TG: variants seen among roughly 807,000 people sequenced by gnomAD.
TG encodes the protein thyroglobulin, also known as thyroid hormones.
A neutral mutation model predicts 324.7 loss-of-function variants in TG; 270 were observed. That is an observed-to-expected ratio of 0.83 (90% CI 0.75 to 0.92). The LOEUF (loss-of-function observed/expected upper bound fraction) is 0.92, where lower values mean the gene tolerates loss of function less well. TG is among the 40% of genes least tolerant of loss of function. The pLI is 0.00. For missense variants in TG, 3,591 were observed against 3,456.4 expected (o/e 1.04, Z -0.98); for synonymous variants, 1,401 against 1,327.0 (o/e 1.06, Z -1.21).
At chr8:133,126,840 A>G (rs2130345606) in intron 45 of TG, among the ~76,000 whole-genome samples, 1 of 152,286 alleles carries the variant, frequency 6.6e-6, no homozygotes, top group Non-Finnish European at 1.5e-5. Flanking sequence ...TGGGAAGCAA[A>G]GGGACTTTCA....
At chr8:133,108,173 A>T (rs1397843271) in intron 43 of TG, among the ~76,000 whole-genome samples, 1 of 150,464 alleles carries the variant, frequency 6.6e-6, no homozygotes, top group African/African-American at 2.4e-5. Context: ...TTTTTAGTAG[A>T]GATGGGGTTT....
intron 41 of TG, chr8:133,074,794 T>G: frequency 1.1e-6 from 1 of 933,858 alleles, no homozygotes; most frequent in Non-Finnish European, 1.3e-6. Context: ...GCCAACTGCG[T>G]GTTGAAGAGG....
chr8:133,091,723 T>C (rs1379023683), intron 41 of TG, among the ~76,000 whole-genome samples: 1 of 152,052 alleles, frequency 6.6e-6, no homozygotes, highest in Non-Finnish European at 1.5e-5. Context: ...TATGTGAGTG[T>C]GTGTCTATGT....
At chr8:132,939,822 G>A (rs767061251) in intron 25 of TG, among the ~76,000 whole-genome samples, 8 of 152,088 alleles carry the variant, frequency 5.3e-5, no homozygotes, top group South Asian at 2.1e-4. Context: ...GACTACAGAC[G>A]TGCACCATCA....
chr8:133,109,748 G>T (rs1408176646), intron 43 of TG, among the ~76,000 whole-genome samples: 1 of 152,220 alleles, frequency 6.6e-6, no homozygotes, highest in Non-Finnish European at 1.5e-5. Flanking sequence ...GGTGCTTGGT[G>T]CGTGGCACTT....
intron 27 of TG, among the ~76,000 whole-genome samples, chr8:132,952,782 T>C (rs1468819379): frequency 3.3e-5 from 5 of 152,222 alleles, no homozygotes; most frequent in Non-Finnish European, 7.3e-5. Flanking sequence ...CAGTTGGTTA[T>C]ATCACAATTT....
intron 41 of TG, among the ~76,000 whole-genome samples, chr8:133,072,047 C>A (rs939344364): frequency 6.6e-6 from 1 of 152,154 alleles, no homozygotes; most frequent in East Asian, 1.9e-4. Context: ...AGCTATTTTG[C>A]CCCTAAGCAC....
At chr8:133,085,860 C>T (rs572607362) in intron 41 of TG, among the ~76,000 whole-genome samples, 1 of 152,272 alleles carries the variant, frequency 6.6e-6, no homozygotes, top group South Asian at 2.1e-4. Context: ...CTAGCAATTC[C>T]ACCCCTACCT....
In TG at chr8:132,957,953, T is replaced by C. The variant is rs549594515; in HGVS notation, c.5402-3055T>C. The stretch of plus-strand genomic sequence containing the variant: ...CCCTTGTTCCCGTCTCACCCTTCCC[T>C]CCAAGTCCCCAAAGTCCATTGTATT... On this transcript the variant is annotated intron_variant, in intron 27 of 47. Coordinates refer to ENST00000220616, the MANE Select transcript of TG (RefSeq NM_003235.5). Among the ~76,000 whole-genome samples the C allele has an allele frequency of 2.0e-5, 3 of 152,256 alleles. No individual in the cohort carries two copies. The East Asian group carries it at 5.8e-4, about 29-fold the overall frequency.
chr8:132,978,470 C>T (rs1178846118), intron 34 of TG, among the ~76,000 whole-genome samples: 1 of 152,134 alleles, frequency 6.6e-6, no homozygotes, highest in Admixed American at 6.5e-5. Context: ...AAAGGCATTC[C>T]TTGTATCAAC....
chr8:132,895,617 C>T (rs1447913555), intron 11 of TG, among the ~76,000 whole-genome samples: 2 of 152,220 alleles, frequency 1.3e-5, no homozygotes, highest in South Asian at 2.1e-4. Context: ...CTCTCTCTTC[C>T]GTCCACTACC....
At position 132,948,286 on chromosome 8, in the gene TG, C is replaced by T. The variant is rs368129390; in HGVS notation, c.5234-490C>T. ...GCATGTGAGAGAGCGAGAGCAAGAG[C>T]GAGAGTGAGCGAGAGCGAGAGTGAG... On this transcript the variant is annotated intron_variant, in intron 26 of 47. Transcript: ENST00000220616. Among the ~76,000 whole-genome samples the T allele has an allele frequency of 3.8e-4, 57 of 150,700 alleles. 2 individuals are homozygous for T. In the South Asian group the frequency reaches 9.1e-3, roughly 24 times the overall value.
chr8:132,986,920 TATAG>T (rs1831630919), intron 35 of TG, among the ~76,000 whole-genome samples: 1 of 152,218 alleles, frequency 6.6e-6, no homozygotes. Flanking sequence ...TTATTAAATT[TATAG>T]ATAAAGAGTG....
chr8:133,029,948 G>A lies in TG; in HGVS notation c.7164G>A (p.Gly2388=), dbSNP rs759815380. 15 of 1,614,108 alleles carry A rather than the reference G, an allele frequency of 9.3e-6. No homozygotes were observed. Among genetic ancestry groups the A allele is most frequent in the Non-Finnish European group, 1.2e-5 (14 of 1,180,056 alleles). ...RRVSLAADRG[G]ADVASIHLLT... The stretch of plus-strand genomic sequence containing the variant: ...TGTCCCTGGCAGCAGACCGTGGCGG[G>A]GCTGATGTGGCCAGCATCCACCTTC... Residue 2388 remains glycine, a synonymous_variant, in exon 41 of 48, where the codon GGG becomes GGA. Transcript: ENST00000220616.
intron 22 of TG, among the ~76,000 whole-genome samples, chr8:132,926,659 C>T (rs1353269894): frequency 6.6e-6 from 1 of 152,192 alleles, no homozygotes; most frequent in African/African-American, 2.4e-5. Flanking sequence ...GTCAATTTTA[C>T]AAGCCCTGAG....
intron 23 of TG, among the ~76,000 whole-genome samples, chr8:132,929,519 G>C (rs1157734288): frequency 6.6e-6 from 1 of 152,130 alleles, no homozygotes; most frequent in Non-Finnish European, 1.5e-5. Flanking sequence ...GGTAATAAAG[G>C]CTGCCATTTA....
chr8:133,082,903 C>G (rs1471650212), intron 41 of TG, among the ~76,000 whole-genome samples: 1 of 152,238 alleles, frequency 6.6e-6, no homozygotes, highest in African/African-American at 2.4e-5. Context: ...CGAAACTAGC[C>G]TCGATGTAAT....
intron 5 of TG, among the ~76,000 whole-genome samples, chr8:132,879,963 C>T (rs564517977): frequency 2.4e-4 from 37 of 152,340 alleles, no homozygotes; most frequent in Non-Finnish European, 3.2e-4. Flanking sequence ...GTGATTTAAA[C>T]GATTTAAACT....
chr8:132,875,543 G>C (rs1308354770), intron 5 of TG, among the ~76,000 whole-genome samples: 1 of 152,132 alleles, frequency 6.6e-6, no homozygotes, highest in Non-Finnish European at 1.5e-5. Context: ...GCATGGCACA[G>C]AGCCTTGCAC....
Sources: allele counts gnomAD v4.1 joint callset (sites outside exome capture counted in the v4.1 genomes callset), GRCh38; gene constraint gnomAD v4.1.1; transcripts MANE v1.5; gene names NCBI Gene and HGNC (gene_info 2026-07-23, HGNC 2026-07-21).